The following PRDM16 variants were observed in gnomAD, a reference collection of about 807,000 sequenced individuals.
PRDM16 encodes PR/SET domain 16, also known as histone-lysine N-methyltransferase PRDM16.
In PRDM16, 23 loss-of-function variants were observed where a neutral mutation model predicts 110.6. That is an observed-to-expected ratio of 0.21 (90% CI 0.15 to 0.29). The LOEUF is 0.29. Among genes scored for constraint, PRDM16 ranks in the 10% least tolerant of loss-of-function variants. The pLI is 1.00. For missense variants in PRDM16, 1,615 were observed against 1,794.3 expected (o/e 0.90, Z 1.81); for synonymous variants, 799 against 781.8 (o/e 1.02, Z -0.37).
intron 9 of PRDM16, 107 bp from the exon 10 acceptor site, chr1:3,414,453 T>G: frequency 2.6e-6 from 2 of 781,126 alleles, no homozygotes; most frequent in Non-Finnish European, 4.3e-6. Context: ...CATGGCCTTG[T>G]GACTGGCCAG....
chr1:3,164,463 C>T (rs999424957), intron 1 of PRDM16, among the ~76,000 whole-genome samples: 17 of 152,278 alleles, frequency 1.1e-4, no homozygotes, highest in African/African-American at 4.1e-4. Context: ...AGGGCCATGG[C>T]CACGTACAGA....
intron 3 of PRDM16, among the ~76,000 whole-genome samples, chr1:3,341,642 A>G (rs1642274735): frequency 6.6e-6 from 1 of 152,186 alleles, no homozygotes; most frequent in Admixed American, 6.5e-5. Context: ...GACGGTGGAG[A>G]AGTGATCATA....
chr1:3,389,056 C>T (rs1359546186), intron 4 of PRDM16, among the ~76,000 whole-genome samples: 5 of 152,210 alleles, frequency 3.3e-5, no homozygotes, highest in Non-Finnish European at 7.3e-5. Flanking sequence ...CTGCTCAAAT[C>T]ACTGACCACG....
intron 12 of PRDM16, among the ~76,000 whole-genome samples, chr1:3,423,489 C>T (rs1041707651): frequency 1.3e-5 from 2 of 152,128 alleles, no homozygotes; most frequent in Non-Finnish European, 2.9e-5. Context: ...AGGGCAGCAC[C>T]GTGCCGAGAA....
Position 3,358,969 on chromosome 1 carries a change from ATGT to A in PRDM16, c.439-26179_439-26177del, listed in dbSNP as rs2100554332. 6.6e-6 allele frequency among the ~76,000 whole-genome samples: 1 copy of A among 152,316 alleles called. No homozygotes were observed. Among genetic ancestry groups the A allele is most frequent in the African/African-American group, 2.4e-5 (1 of 41,572 alleles). On this transcript the variant is annotated intron_variant, in intron 3 of 16. Coordinates refer to ENST00000270722, the MANE Select transcript of PRDM16 (RefSeq NM_022114.4). This position sits in a 1 kb window ranked among gnomAD's most constrained non-coding sequence, Gnocchi z 4.0. ...GGGGAAAGCACAGCCGCTGTGGCTC[ATGT>A]TGTCATCTTGGGTCGCATTACAGCC...
At chr1:3,229,374 C>T (rs940159078) in intron 2 of PRDM16, among the ~76,000 whole-genome samples, 5 of 152,198 alleles carry the variant, frequency 3.3e-5, no homozygotes, top group African/African-American at 1.2e-4. Flanking sequence ...CCTCCCCGGC[C>T]TCCCCTAGGT....
chr1:3,409,730 T>TA (rs773930089), intron 8 of PRDM16, among the ~76,000 whole-genome samples: 63 of 138,802 alleles, frequency 4.5e-4, no homozygotes, highest in Admixed American at 1.4e-4. Context: ...GTGGTGTGTG[T>TA]AGTGTGGGTG....
intron 3 of PRDM16, among the ~76,000 whole-genome samples, chr1:3,356,771 A>T (rs1179075876): frequency 6.6e-6 from 1 of 152,224 alleles, no homozygotes; most frequent in Non-Finnish European, 1.5e-5. Flanking sequence ...GGCACGGGAC[A>T]GATCCAGGCT....
intron 3 of PRDM16, among the ~76,000 whole-genome samples, chr1:3,316,732 G>A (rs201982122): frequency 2.4e-4 from 33 of 140,202 alleles, no homozygotes; most frequent in East Asian, 2.3e-3. Context: ...ACAGTGACAC[G>A]GTGTAGGCAG....
intron 1 of PRDM16, among the ~76,000 whole-genome samples, chr1:3,106,599 G>A (rs1243739803): frequency 1.3e-5 from 2 of 152,192 alleles, no homozygotes; most frequent in African/African-American, 4.8e-5. Flanking sequence ...GTGTGGGTGC[G>A]CTGGGTGGCA....
intron 4 of PRDM16, among the ~76,000 whole-genome samples, chr1:3,393,861 GC>G (rs1443945354): frequency 1.3e-5 from 2 of 150,984 alleles, no homozygotes; most frequent in African/African-American, 4.8e-5. Flanking sequence ...CCCCCGCCCC[GC>G]CCCGCCTCGG....
chr1:3,411,283 C>T (rs1158575906), intron 8 of PRDM16, 101 bp from the exon 9 acceptor site: 8 of 1,283,880 alleles, frequency 6.2e-6, no homozygotes, highest in African/African-American at 5.9e-5. Flanking sequence ...CCAGCCTCGC[C>T]CCTCCAGCGG....
chr1:3,181,109 C>T (rs1225137253), intron 1 of PRDM16, among the ~76,000 whole-genome samples: 3 of 143,236 alleles, frequency 2.1e-5, no homozygotes, highest in Non-Finnish European at 4.5e-5. Flanking sequence ...CAGTCTTACA[C>T]GCGGCCTTAC....
intron 5 of PRDM16, among the ~76,000 whole-genome samples, chr1:3,397,208 C>T (rs1469803903): frequency 2.0e-5 from 3 of 152,216 alleles, no homozygotes; most frequent in Non-Finnish European, 4.4e-5. Flanking sequence ...AGGGAAAATG[C>T]GGGGTCTGAG....
intron 3 of PRDM16, among the ~76,000 whole-genome samples, chr1:3,337,249 C>T (rs1023271469): frequency 2.0e-5 from 3 of 152,196 alleles, no homozygotes; most frequent in African/African-American, 7.2e-5. Context: ...TGGTGTGAGT[C>T]TGTGTGCATG....
chr1:3,102,819 C>T (rs1484949214), intron 1 of PRDM16, among the ~76,000 whole-genome samples: 1 of 152,228 alleles, frequency 6.6e-6, no homozygotes. Flanking sequence ...GCTTCCTACC[C>T]CATATGTGGC....
rs1638264580 is a variant in PRDM16 at position 3,190,187 on chromosome 1, TCGTGGGG to T, written c.387+3715_387+3721del. 3.3e-5 allele frequency among the ~76,000 whole-genome samples: 5 copies of T among 151,024 alleles called. No homozygotes were observed. The highest frequency in any genetic ancestry group is 1.2e-4 in the African/African-American group (5 of 40,852). ...GTCGTGGGGCAGCCTTACTTCAAGGTCGTGGGGCAGCGTTACTTCAAGGTCGTGGGGC... is the reference window on the plus strand; with the variant it reads ...GTCGTGGGGCAGCCTTACTTCAAGGTCAGCGTTACTTCAAGGTCGTGGGGC... On this transcript the variant is annotated intron_variant, in intron 2 of 16. Transcript: ENST00000270722. The surrounding 1 kb of genome is among the most constrained non-coding windows in gnomAD (Gnocchi z 5.0).
intron 3 of PRDM16, among the ~76,000 whole-genome samples, chr1:3,325,932 CTT>C (rs1288624328): frequency 3.5e-5 from 4 of 115,172 alleles, no homozygotes; most frequent in Non-Finnish European, 3.7e-5. Flanking sequence ...CCTCGGCCCT[CTT>C]GGCCCTCCTT....
intron 3 of PRDM16, among the ~76,000 whole-genome samples, chr1:3,328,280 G>A (rs1196775378): frequency 1.3e-5 from 2 of 152,252 alleles, no homozygotes; most frequent in Non-Finnish European, 2.9e-5. Flanking sequence ...TTTGTGGTCA[G>A]ATAATTCTGT....
Sources: allele counts gnomAD v4.1 joint callset (sites outside exome capture counted in the v4.1 genomes callset), GRCh38; gene constraint gnomAD v4.1.1; non-coding constraint Gnocchi (gnomAD v3.1); transcripts MANE v1.5; gene names NCBI Gene and HGNC (gene_info 2026-07-23, HGNC 2026-07-21).